ZSCAN25: variants seen among roughly 807,000 people sequenced by gnomAD.
ZSCAN25 encodes zinc finger and SCAN domain containing 25.
ZSCAN25 carries 27 observed loss-of-function variants against 38.7 expected under a neutral mutation model. That is an observed-to-expected ratio of 0.70 (90% confidence interval 0.51 to 0.96). The LOEUF (loss-of-function observed/expected upper bound fraction) is 0.96, where lower values mean the gene tolerates loss of function less well. Ranked by LOEUF, ZSCAN25 falls within the 40% of genes least tolerant of loss-of-function variation. The pLI is 0.00. For missense variants in ZSCAN25, 637 were observed against 705.9 expected, an observed-to-expected ratio of 0.90 and a Z score of 1.11; for synonymous variants, 273 against 277.7, an observed-to-expected ratio of 0.98 and a Z score of 0.17.
the ZSCAN25 span, among the ~76,000 whole-genome samples, chr7:99,696,634 C>A: frequency 1.3e-5 from 2 of 152,208 alleles, no homozygotes; most frequent in Admixed American, 6.5e-5. Context: ...ACTTAAAAAA[C>A]CAATTTCCAG....
chr7:99,647,382 A>G, the ZSCAN25 span: 1 of 597,144 alleles, frequency 1.7e-6, no homozygotes, highest in Non-Finnish European at 2.1e-6. Flanking sequence ...TCAGAAAAGG[A>G]GGGAAAATGA....
At chr7:99,652,627 C>A in the ZSCAN25 span, 1 of 1,614,074 alleles carries the variant, frequency 6.2e-7, no homozygotes, top group South Asian at 1.1e-5. Flanking sequence ...GAATCACCAC[C>A]ATTGACCCTT....
chr7:99,646,837 CAT>C, the ZSCAN25 span, among the ~76,000 whole-genome samples: 246 of 148,708 alleles, frequency 1.7e-3, no homozygotes, highest in African/African-American at 5.4e-3. Context: ...CACACACACA[CAT>C]GCATGCTCAC....
chr7:99,652,404 A>T, the ZSCAN25 span: 5 of 568,776 alleles, frequency 8.8e-6, no homozygotes, highest in Admixed American at 3.5e-5. Flanking sequence ...TGTGGTTTGT[A>T]AAGTTTGATA....
chr7:99,636,408 G>A (rs1413359537), downstream of ZSCAN25, among the ~76,000 whole-genome samples: 1 of 152,156 alleles, frequency 6.6e-6, no homozygotes, highest in Non-Finnish European at 1.5e-5. Flanking sequence ...TCTGCTTTAA[G>A]TAAAATGTTT....
chr7:99,662,835 T>A, the ZSCAN25 span: 1 of 1,614,062 alleles, frequency 6.2e-7, no homozygotes, highest in South Asian at 1.1e-5. This position sits in a 1 kb window ranked among gnomAD's most constrained non-coding sequence, Gnocchi z 4.3. Flanking sequence ...ACTCAGTTTC[T>A]TTCGAATTCT....
chr7:99,707,076 C>A, the ZSCAN25 span, among the ~76,000 whole-genome samples: 4 of 152,096 alleles, frequency 2.6e-5, no homozygotes, highest in Admixed American at 2.6e-4. Context: ...CTTGGAGGGG[C>A]TTGGGAATTG....
the ZSCAN25 span, among the ~76,000 whole-genome samples, chr7:99,675,806 A>G: frequency 6.8e-6 from 1 of 147,394 alleles, no homozygotes; most frequent in Non-Finnish European, 1.5e-5. Context: ...CAATCCTCCC[A>G]CCTTAACATT....
the ZSCAN25 span, chr7:99,672,950 G>A: frequency 1.1e-5 from 13 of 1,197,952 alleles, no homozygotes; most frequent in African/African-American, 1.6e-4. Context: ...AGAGATTATG[G>A]TTAGAAATGA....
At chr7:99,736,463 G>A in the ZSCAN25 span, among the ~76,000 whole-genome samples, 4 of 152,220 alleles carry the variant, frequency 2.6e-5, no homozygotes. Flanking sequence ...AATAACAGTT[G>A]CTGCCACCTG....
the ZSCAN25 span, among the ~76,000 whole-genome samples, chr7:99,677,492 C>T: frequency 1.1e-4 from 17 of 152,200 alleles, no homozygotes; most frequent in African/African-American, 3.9e-4. Context: ...AATGATAAAA[C>T]GTCCCGGAGA....
At chr7:99,717,312 A>G in the ZSCAN25 span, 45 of 1,613,532 alleles carry the variant, frequency 2.8e-5, no homozygotes, top group Non-Finnish European at 3.7e-5. Flanking sequence ...TGCAGACATA[A>G]GTCCCAGAAG....
At chr7:99,737,290 C>G in the ZSCAN25 span, among the ~76,000 whole-genome samples, 8 of 152,222 alleles carry the variant, frequency 5.3e-5, no homozygotes, top group East Asian at 1.2e-3. Flanking sequence ...CTCTGGTGCA[C>G]CTGCCATTCC....
At chr7:99,708,508 T>G in the ZSCAN25 span, among the ~76,000 whole-genome samples, 1 of 151,850 alleles carries the variant, frequency 6.6e-6, no homozygotes, top group African/African-American at 2.4e-5. Context: ...AATCTCCATC[T>G]CTCCTTCTTT....
downstream of ZSCAN25, among the ~76,000 whole-genome samples, chr7:99,634,894 A>G (rs146221726): frequency 5.4e-3 from 829 of 152,280 alleles, 6 homozygotes; most frequent in African/African-American, 0.019. Context: ...GTGAGCCGAG[A>G]TCATGCCACT....
chr7:99,690,857 A>C, the ZSCAN25 span, among the ~76,000 whole-genome samples: 1 of 152,206 alleles, frequency 6.6e-6, no homozygotes, highest in Non-Finnish European at 1.5e-5. Context: ...ACTGTAAACT[A>C]GTTCAACCAT....
At chr7:99,640,480 T>TA in the ZSCAN25 span, among the ~76,000 whole-genome samples, 1 of 152,208 alleles carries the variant, frequency 6.6e-6, no homozygotes, top group Non-Finnish European at 1.5e-5. Context: ...TAATGAATGA[T>TA]ATGATTCCTG....
the ZSCAN25 span, among the ~76,000 whole-genome samples, chr7:99,644,502 A>G: frequency 6.6e-6 from 1 of 152,204 alleles, no homozygotes; most frequent in Non-Finnish European, 1.5e-5. Context: ...GACTAAAAGC[A>G]TGGTGTCTTT....
At chr7:99,679,713 A>G in the ZSCAN25 span, 2 of 973,066 alleles carry the variant, frequency 2.1e-6, no homozygotes. Flanking sequence ...CCAACACTTC[A>G]GCTACTTCTC....
Sources: allele counts gnomAD v4.1 joint callset (sites outside exome capture counted in the v4.1 genomes callset), GRCh38; gene constraint gnomAD v4.1.1; non-coding constraint Gnocchi (gnomAD v3.1); transcripts MANE v1.5; gene names NCBI Gene and HGNC (gene_info 2026-07-23, HGNC 2026-07-21).